RALGPS1: variants seen among roughly 807,000 people sequenced by gnomAD.
RALGPS1 encodes the protein Ral GEF with PH domain and SH3 binding motif 1, also known as ras-specific guanine nucleotide-releasing factor RalGPS1.
Under a neutral mutation model 78.8 loss-of-function variants are expected in RALGPS1, and 19 were observed. The observed-to-expected ratio is 0.24, with a 90% confidence interval of 0.17 to 0.35. RALGPS1 has a LOEUF of 0.35. Ranked by LOEUF, RALGPS1 falls within the 10% of genes least tolerant of loss-of-function variation. The pLI, the probability that RALGPS1 is intolerant of heterozygous loss-of-function variation, is 1.00. For missense variants in RALGPS1, 454 were observed against 688.3 expected (o/e 0.66, Z 3.81); for synonymous variants, 228 against 256.3 (o/e 0.89, Z 1.06).
intron 8 of RALGPS1, chr9:127,107,912 T>TA: frequency 6.5e-7 from 1 of 1,527,326 alleles, no homozygotes; most frequent in Non-Finnish European, 8.8e-7. Flanking sequence ...CAGAAGCACT[T>TA]ACCCGACGGC....
At chr9:127,149,871 G>A (rs2058321529) in intron 8 of RALGPS1, among the ~76,000 whole-genome samples, 2 of 152,222 alleles carry the variant, frequency 1.3e-5, no homozygotes, top group Admixed American at 6.6e-5. Flanking sequence ...TCCTTGGAGT[G>A]CTTTTGGTAG....
chr9:127,112,351 G>GGC (rs2054913504), intron 8 of RALGPS1, among the ~76,000 whole-genome samples: 1 of 152,228 alleles, frequency 6.6e-6, no homozygotes, highest in Admixed American at 6.5e-5. Flanking sequence ...CCCGACCCTG[G>GGC]GCTAGGGCAG....
chr9:127,075,372 T>C (rs1426343783), intron 8 of RALGPS1, among the ~76,000 whole-genome samples: 1 of 152,220 alleles, frequency 6.6e-6, no homozygotes, highest in Admixed American at 6.5e-5. Context: ...TATGAGGGTT[T>C]ACCATGGGGT....
At chr9:126,942,395 A>G (rs2036873381) in intron 1 of RALGPS1, among the ~76,000 whole-genome samples, 1 of 151,990 alleles carries the variant, frequency 6.6e-6, no homozygotes. Context: ...TTATCCTTAT[A>G]TATGATATTG....
Position 126,977,805 on chromosome 9 carries a change from C to T in RALGPS1, c.216+60C>T, listed in dbSNP as rs908248887. On this transcript the variant is annotated intron_variant, in intron 4 of 18. Transcript: ENST00000259351. Reference sequence around the variant, plus strand: ...CTGTGGGTGGGCAGCGAGGATTTAGCCAGCCACTGTTAGAGTGTCTCAGTT... The same window carrying T: ...CTGTGGGTGGGCAGCGAGGATTTAGTCAGCCACTGTTAGAGTGTCTCAGTT... The T allele has an allele frequency of 4.8e-6, 6 of 1,262,016 alleles. No homozygotes were observed. The Admixed American group carries it at 1.3e-4, about 26-fold the overall frequency. The allele number at this position is 1,262,016 out of a possible 1,614,324, so 78.2% of individuals were successfully genotyped here. A position where few individuals can be genotyped will look rare whatever the true frequency, so the allele number is the denominator to read the frequency against.
At chr9:126,972,094 A>G (rs1476279670) in intron 3 of RALGPS1, among the ~76,000 whole-genome samples, 1 of 152,236 alleles carries the variant, frequency 6.6e-6, no homozygotes, top group African/African-American at 2.4e-5. Flanking sequence ...GGACATGTTC[A>G]AGATGAGCCT....
At chr9:127,058,889 T>A (rs1205470329) in intron 7 of RALGPS1, among the ~76,000 whole-genome samples, 1 of 152,208 alleles carries the variant, frequency 6.6e-6, no homozygotes, top group Non-Finnish European at 1.5e-5. Context: ...CCAAAGAGTT[T>A]GACTCATTTG....
At chr9:127,171,134 C>CTATTT (rs1289173431) in intron 10 of RALGPS1, among the ~76,000 whole-genome samples, 1 of 152,150 alleles carries the variant, frequency 6.6e-6, no homozygotes, top group Admixed American at 6.5e-5. Context: ...AGCCTTTATT[C>CTATTT]TATTTTATTT....
At chr9:127,084,350 G>A (rs778746843) in intron 8 of RALGPS1, among the ~76,000 whole-genome samples, 2 of 152,196 alleles carry the variant, frequency 1.3e-5, no homozygotes, top group Non-Finnish European at 2.9e-5. Flanking sequence ...TTTCATAGCT[G>A]TTGGTAACTC....
intron 8 of RALGPS1, among the ~76,000 whole-genome samples, chr9:127,103,089 C>G (rs771416251): frequency 7.9e-5 from 12 of 152,258 alleles, no homozygotes; most frequent in Non-Finnish European, 1.5e-4. Flanking sequence ...CCCAGCCACA[C>G]ATGGGTTGAC....
chr9:127,158,077 G>A (rs1486742376), intron 8 of RALGPS1, among the ~76,000 whole-genome samples: 1 of 152,060 alleles, frequency 6.6e-6, no homozygotes, highest in African/African-American at 2.4e-5. Flanking sequence ...TGCCACCTCT[G>A]TCAGGTTTGG....
intron 4 of RALGPS1, among the ~76,000 whole-genome samples, chr9:127,021,580 A>G (rs2134182730): frequency 6.6e-6 from 1 of 150,596 alleles, no homozygotes; most frequent in East Asian, 1.9e-4. Context: ...TGTAATGAAC[A>G]TGTATTAGGT....
intron 4 of RALGPS1, among the ~76,000 whole-genome samples, chr9:127,013,025 A>G (rs866037338): frequency 2.0e-5 from 3 of 152,214 alleles, no homozygotes; most frequent in Non-Finnish European, 4.4e-5. Flanking sequence ...ACTTCCAGCT[A>G]GGACAACACA....
intron 5 of RALGPS1, among the ~76,000 whole-genome samples, chr9:127,048,368 C>T (rs540967784): frequency 6.6e-6 from 1 of 152,204 alleles, no homozygotes; most frequent in Non-Finnish European, 1.5e-5. Context: ...TCTGTCATTA[C>T]CTCTCTCATA....
intron 4 of RALGPS1, among the ~76,000 whole-genome samples, chr9:126,999,880 C>T (rs62580795): frequency 0.027 from 4,182 of 152,316 alleles, 52 homozygotes; most frequent in Middle Eastern, 0.048. Context: ...AGCTTTTAAA[C>T]CACAAATTTA....
intron 8 of RALGPS1, among the ~76,000 whole-genome samples, chr9:127,118,091 T>G (rs943242420): frequency 6.6e-6 from 1 of 152,190 alleles, no homozygotes; most frequent in Admixed American, 6.5e-5. Context: ...AGTCTTGCTC[T>G]ATCACCAGAC....
intron 4 of RALGPS1, among the ~76,000 whole-genome samples, chr9:127,001,877 TC>T (rs2043342660): frequency 6.6e-6 from 1 of 152,052 alleles, no homozygotes; most frequent in African/African-American, 2.4e-5. Flanking sequence ...AGAGTGAGAC[TC>T]CATCTCAAAA....
intron 8 of RALGPS1, among the ~76,000 whole-genome samples, chr9:127,081,894 G>A (rs1254755261): frequency 1.3e-5 from 2 of 152,368 alleles, no homozygotes; most frequent in Non-Finnish European, 2.9e-5. Flanking sequence ...GGAATGCCAC[G>A]CAGATGGGAG....
chr9:126,963,236 T>A (rs2132167886), intron 2 of RALGPS1, among the ~76,000 whole-genome samples: 1 of 152,322 alleles, frequency 6.6e-6, no homozygotes, highest in Admixed American at 6.5e-5. Context: ...TGGAAAGTTA[T>A]AATACCCGAA....
Sources: gnomAD v4.1 joint callset for allele counts (sites outside exome capture counted in the v4.1 genomes callset) on GRCh38, gnomAD v4.1.1 for gene constraint, MANE v1.5 for transcripts, NCBI Gene and HGNC (gene_info 2026-07-23, HGNC 2026-07-21) for gene names.